Variants in RUNX1 observed in about 807,000 individuals in gnomAD.
RUNX1 encodes the protein RUNX family transcription factor 1.
RUNX1 carries 19 observed loss-of-function variants against 42.8 expected under a neutral mutation model. That is an observed-to-expected ratio of 0.44 (90% CI 0.31 to 0.65). The LOEUF (loss-of-function observed/expected upper bound fraction) is 0.65. RUNX1 is among the 30% of genes least tolerant of loss of function. RUNX1 has a pLI of 0.07. For synonymous variants in RUNX1, 271 were observed against 289.4 expected (o/e 0.94, Z 0.64); for missense variants, 528 against 672.0 (o/e 0.79, Z 2.37).
chr21:34,850,344 G>C lies in RUNX1; in HGVS notation c.613+9130C>G, dbSNP rs527908386. On this transcript the variant is annotated intron_variant, in intron 6 of 8. Transcript: ENST00000675419. ...CCTTGCACACATGGAAGGGTCTCCA[G>C]TGCTGGTCACTGATTTAGGAAACTC... is the stretch of plus-strand genomic sequence containing the variant. 2.8e-4 allele frequency among the ~76,000 whole-genome samples: 42 copies of C among 152,338 alleles called. 1 individual carries two copies. The highest frequency in any genetic ancestry group is 2.0e-3 in the Admixed American group (30 of 15,312).
chr21:34,901,857 C>G lies in RUNX1; in HGVS notation c.59-8894G>C, dbSNP rs2058180203. On this transcript the variant is annotated intron_variant, in intron 2 of 8. Coordinates refer to ENST00000675419, the MANE Select transcript of RUNX1 (RefSeq NM_001754.5). This position sits in a 1 kb window ranked among gnomAD's most constrained non-coding sequence, Gnocchi z 4.3. ...AGGGACTTGTCCATGGCTTTCAGTT[C>G]CCTAATTGGCGAATGTCACACTAGT... Among the ~76,000 whole-genome samples the G allele has an allele frequency of 6.6e-6, 1 of 152,128 alleles. No homozygotes were observed. Among genetic ancestry groups the G allele is most frequent in the African/African-American group, 2.4e-5 (1 of 41,396 alleles).
intron 2 of RUNX1, among the ~76,000 whole-genome samples, chr21:34,930,297 A>ATAT (rs1569110430): frequency 7.6e-6 from 1 of 131,062 alleles, no homozygotes; most frequent in African/African-American, 3.6e-5. Flanking sequence ...TATATAAATA[A>ATAT]ATAAATAAAA....
intron 6 of RUNX1, among the ~76,000 whole-genome samples, chr21:34,842,902 A>C (rs929470202): frequency 4.6e-5 from 7 of 152,054 alleles, no homozygotes; most frequent in African/African-American, 1.7e-4. Context: ...CCCCATCTCT[A>C]CTAAAAAATG....
At chr21:34,892,378 G>A (rs1347969798) in intron 3 of RUNX1, among the ~76,000 whole-genome samples, 2 of 152,166 alleles carry the variant, frequency 1.3e-5, no homozygotes, top group African/African-American at 4.8e-5. Flanking sequence ...AGAGGGGGGA[G>A]GAGAGCCCTT....
At chr21:34,812,225 G>A (rs996808338) in intron 7 of RUNX1, among the ~76,000 whole-genome samples, 11 of 152,120 alleles carry the variant, frequency 7.2e-5, no homozygotes, top group African/African-American at 2.4e-4. Flanking sequence ...TTTCTTCTAA[G>A]TTCCCCTGCT....
intron 2 of RUNX1, among the ~76,000 whole-genome samples, chr21:34,992,118 G>A (rs2058948518): frequency 6.6e-6 from 1 of 152,246 alleles, no homozygotes; most frequent in Admixed American, 6.5e-5. Flanking sequence ...TGGCAAGCAT[G>A]GGAAAGTAAC....
chr21:35,031,818 G>C (rs1251516382), intron 2 of RUNX1, among the ~76,000 whole-genome samples: 1 of 152,128 alleles, frequency 6.6e-6, no homozygotes, highest in Non-Finnish European at 1.5e-5. Flanking sequence ...ATCCTAAAAA[G>C]TTAAATCTAA....
At chr21:34,899,342 T>A (rs1250022622) in intron 2 of RUNX1, among the ~76,000 whole-genome samples, 1 of 152,036 alleles carries the variant, frequency 6.6e-6, no homozygotes, top group Non-Finnish European at 1.5e-5. Context: ...TAAGATGAGG[T>A]TGTGAGGCTG....
intron 2 of RUNX1, among the ~76,000 whole-genome samples, chr21:34,976,936 G>C (rs2058806509): frequency 6.6e-6 from 1 of 151,956 alleles, no homozygotes; most frequent in South Asian, 2.1e-4. Flanking sequence ...GTATGCCTCT[G>C]AAGTCTTGAA....
intron 2 of RUNX1, among the ~76,000 whole-genome samples, chr21:34,964,869 C>T (rs893276223): frequency 6.6e-6 from 1 of 152,202 alleles, no homozygotes; most frequent in Non-Finnish European, 1.5e-5. Context: ...CCAACACCCA[C>T]AATGCTCTCA....
At position 34,865,277 on chromosome 21, in the gene RUNX1, T is replaced by TGC. The variant is rs2057641770; in HGVS notation, c.509-5701_509-5700dup. Among the ~76,000 whole-genome samples, 6 of 129,476 alleles carry TGC rather than the reference T, an allele frequency of 4.6e-5. 1 individual carries two copies. The South Asian group carries it at 1.3e-3, about 27-fold the overall frequency. The allele number at this position is 129,476 out of a possible 152,430, so 84.9% of individuals were successfully genotyped here. ...ACGTCTGACATGAGGAGGGGTTTTG[T>TGC]GCGTGTGTGTGTGTGTGTGTGTGTG... is the stretch of plus-strand genomic sequence containing the variant. On this transcript the variant is annotated intron_variant, in intron 5 of 8. Coordinates refer to ENST00000675419, the MANE Select transcript of RUNX1 (RefSeq NM_001754.5).
At chr21:34,888,666 C>CCCGCCCGCGCCCGCT (rs1221134891) in intron 3 of RUNX1, 1 of 1,045,444 alleles carries the variant, frequency 9.6e-7, no homozygotes, top group Non-Finnish European at 1.2e-6. Context: ...GGGCGCCCGT[C>CCCGCCCGCGCCCGCT]CCGCCCGCGC....
intron 5 of RUNX1, among the ~76,000 whole-genome samples, chr21:34,869,857 C>T (rs1438547634): frequency 6.6e-6 from 1 of 152,118 alleles, no homozygotes; most frequent in Non-Finnish European, 1.5e-5. Flanking sequence ...GATTATTCTG[C>T]TTCATTATTA....
At position 34,787,877 on chromosome 21, in the gene RUNX1, G is replaced by A; in HGVS notation, c.*4258C>T. 1 of 233,264 alleles carries A rather than the reference G, an allele frequency of 4.3e-6. No homozygotes were observed. The highest frequency in any genetic ancestry group is 8.5e-6 in the Non-Finnish European group (1 of 118,050). 14.4% of individuals were successfully genotyped at this position (233,264 alleles called of 1,614,324 possible). A position where few individuals can be genotyped will look rare whatever the true frequency, so the allele number is the denominator to read the frequency against. The stretch of plus-strand genomic sequence containing the variant: ...ACACTGGATTTACAGAAGAAACTGT[G>A]GTACAAAGAGAGGAAGGCTCTGGTG... On this transcript the variant is annotated 3_prime_UTR_variant, in exon 9 of 9. Coordinates refer to ENST00000675419, the MANE Select transcript of RUNX1 (RefSeq NM_001754.5).
intron 2 of RUNX1, among the ~76,000 whole-genome samples, chr21:35,022,176 C>T (rs573519997): frequency 3.0e-3 from 456 of 152,260 alleles, no homozygotes; most frequent in Non-Finnish European, 5.5e-3. Flanking sequence ...TTGGCGGTTC[C>T]GTGGTTTACC....
chr21:34,848,416 C>T (rs1453191582), intron 6 of RUNX1, among the ~76,000 whole-genome samples: 14 of 152,166 alleles, frequency 9.2e-5, no homozygotes, highest in Admixed American at 7.2e-4. Context: ...TCTCGCTCAC[C>T]GAGGCTACCT....
rs1430267694 is a variant in RUNX1, at chr21:34,889,703, TC to T, written c.98-2608del. 9.2e-5 allele frequency: 108 copies of T among 1,175,208 alleles called. 1 individual carries two copies. The highest frequency in any genetic ancestry group is 3.0e-4 in the Admixed American group (7 of 23,082). 72.8% of individuals were successfully genotyped at this position (1,175,208 alleles called of 1,614,324 possible). A position where few individuals can be genotyped will look rare whatever the true frequency, so the allele number is the denominator to read the frequency against. On this transcript the variant is annotated intron_variant, in intron 3 of 8. Transcript: ENST00000675419. ...CCGGCTTCGCGTGCGGGCGGCCGCT[TC>T]CCCCTGCGCCGGTCCCCGCGGTGCT...
chr21:34,900,028 A>G (rs1411062354), intron 2 of RUNX1, among the ~76,000 whole-genome samples: 8 of 152,240 alleles, frequency 5.3e-5, no homozygotes, highest in African/African-American at 7.2e-5. Context: ...ATTCTAGAGC[A>G]GCACATCCAA....
chr21:34,937,081 T>C (rs2058491442), intron 2 of RUNX1, among the ~76,000 whole-genome samples: 2 of 152,166 alleles, frequency 1.3e-5, no homozygotes, highest in South Asian at 4.1e-4. Flanking sequence ...AGGCCTGGCC[T>C]GAAGCACGCA....
Sources: allele counts gnomAD v4.1 joint callset (sites outside exome capture counted in the v4.1 genomes callset), GRCh38; gene constraint gnomAD v4.1.1; non-coding constraint Gnocchi (gnomAD v3.1); transcripts MANE v1.5; gene names NCBI Gene and HGNC (gene_info 2026-07-23, HGNC 2026-07-21).